FAM13A: variants seen among roughly 807,000 people sequenced by gnomAD.
The protein encoded by FAM13A is family with sequence similarity 13 member A.
In FAM13A, 76 loss-of-function variants were observed where a neutral mutation model predicts 129.6. The observed-to-expected ratio is 0.59, with a 90% CI of 0.49 to 0.71. The LOEUF (loss-of-function observed/expected upper bound fraction) is 0.71, where lower values mean the gene tolerates loss of function less well. Among genes scored for constraint, FAM13A ranks in the 30% least tolerant of loss-of-function variants. FAM13A has a pLI of 0.00. For missense variants in FAM13A, 1,108 were observed against 1,249.3 expected (o/e 0.89, Z 1.70); for synonymous variants, 443 against 449.9 (o/e 0.98, Z 0.20).
At chr4:89,014,158 G>A (rs184390920) in intron 3 of FAM13A, among the ~76,000 whole-genome samples, 24 of 152,280 alleles carry the variant, frequency 1.6e-4, no homozygotes, top group East Asian at 5.8e-4. Context: ...ATAAAAATTC[G>A]TAGACGGTAA....
At chr4:88,903,132 T>G (rs1306009313) in intron 6 of FAM13A, among the ~76,000 whole-genome samples, 2 of 152,204 alleles carry the variant, frequency 1.3e-5, no homozygotes, top group East Asian at 3.8e-4. Flanking sequence ...CAACATTCCA[T>G]GCTCATGGAT....
intron 1 of FAM13A, among the ~76,000 whole-genome samples, chr4:89,054,556 C>A (rs977509024): frequency 1.3e-5 from 2 of 152,160 alleles, no homozygotes; most frequent in Non-Finnish European, 2.9e-5. Context: ...CTCCTGCCCT[C>A]CCTCAGTCTC....
At chr4:88,945,135 C>T (rs575522743) in intron 4 of FAM13A, among the ~76,000 whole-genome samples, 3 of 152,214 alleles carry the variant, frequency 2.0e-5, no homozygotes, top group Non-Finnish European at 4.4e-5. Context: ...TACATTATAC[C>T]TGTAATTAGA....
At chr4:89,009,816 G>A (rs1218540011) in intron 3 of FAM13A, among the ~76,000 whole-genome samples, 1 of 152,202 alleles carries the variant, frequency 6.6e-6, no homozygotes, top group Admixed American at 6.5e-5. Flanking sequence ...GTCCTAGTCT[G>A]GGTTGAGCGG....
In FAM13A at chr4:88,757,024, C is replaced by T. The variant is rs147550464; in HGVS notation, c.1726+1730G>A. ...CCACTTTCCCAAGCCTATTGAAATG[C>T]AACATATTTTTTTCCAATAACTTTT... On this transcript the variant is annotated intron_variant, in intron 14 of 23. Coordinates refer to ENST00000264344, the MANE Select transcript of FAM13A (RefSeq NM_014883.4). 3.8e-3 allele frequency among the ~76,000 whole-genome samples: 585 copies of T among 152,092 alleles called. 9 individuals are homozygous for T. Among genetic ancestry groups the T allele is most frequent in the African/African-American group, 0.013 (559 of 41,486 alleles).
Position 89,003,984 on chromosome 4 carries a change from C to T in FAM13A, c.428-12834G>A, listed in dbSNP as rs59514679. 5.0e-3 allele frequency among the ~76,000 whole-genome samples: 765 copies of T among 152,166 alleles called. 6 individuals carry two copies. The highest frequency in any genetic ancestry group is 0.016 in the African/African-American group (681 of 41,532). On this transcript the variant is annotated intron_variant, in intron 3 of 23. Transcript: ENST00000264344. The stretch of plus-strand genomic sequence containing the variant: ...GCCAAAGGGTATGGTAGGGATCTGC[C>T]GGTTTTCTTTTCTTTTTTTGTAGAG...
chr4:89,043,069 GAC>G (rs1491482609), intron 1 of FAM13A, among the ~76,000 whole-genome samples: 1 of 152,176 alleles, frequency 6.6e-6, no homozygotes, highest in East Asian at 1.9e-4. Flanking sequence ...GCTTACGGCA[GAC>G]ATCATATCAG....
intron 4 of FAM13A, chr4:88,989,586 A>G (rs1762703670): frequency 6.6e-6 from 1 of 152,256 alleles, no homozygotes; most frequent in Non-Finnish European, 1.5e-5. Flanking sequence ...TGGGTAACAA[A>G]GTGAGACTGT....
intron 6 of FAM13A, among the ~76,000 whole-genome samples, chr4:88,903,222 T>C (rs1169442566): frequency 1.3e-5 from 2 of 152,170 alleles, no homozygotes; most frequent in African/African-American, 2.4e-5. Context: ...TAAACTATCA[T>C]TGATGTTCTT....
At chr4:88,803,982 C>T (rs1010972799) in intron 8 of FAM13A, among the ~76,000 whole-genome samples, 6 of 152,150 alleles carry the variant, frequency 3.9e-5, no homozygotes, top group Admixed American at 6.5e-5. Context: ...TCAGGCCAGG[C>T]GTGGTGGCTC....
chr4:88,876,813 G>C (rs1221356269), intron 6 of FAM13A, among the ~76,000 whole-genome samples: 1 of 152,166 alleles, frequency 6.6e-6, no homozygotes, highest in South Asian at 2.1e-4. Context: ...GGATGGTCTC[G>C]ATTTCCTGAC....
intron 6 of FAM13A, among the ~76,000 whole-genome samples, chr4:88,864,791 AAAAC>A (rs748594284): frequency 5.3e-5 from 8 of 152,336 alleles, no homozygotes; most frequent in African/African-American, 7.2e-5. Context: ...GCTTTTCTTA[AAAAC>A]AAACAAACAA....
At chr4:88,794,457 T>G (rs999308826) in intron 8 of FAM13A, among the ~76,000 whole-genome samples, 5 of 151,954 alleles carry the variant, frequency 3.3e-5, no homozygotes, top group Admixed American at 2.6e-4. Context: ...AATTTGCATG[T>G]GATAAGATGC....
Position 88,781,214 on chromosome 4 carries a change from T to C in FAM13A, c.1409A>G (p.Lys470Arg). ...AGERSKPKRQ[K>R]SSTKLSELHD... ...AAGCTCAGAAAGTTTAGTACTGGAT[T>C]TCTGACGTTTAGGCTTGCTCCTTTC... Residue 470 changes from lysine (K) to arginine (R), a missense_variant, in exon 11 of 24, where the codon AAA (lysine) becomes AGA (arginine). By Grantham distance (26) the Lys-to-Arg change is conservative (BLOSUM62 2). Transcript: ENST00000264344. 1 of 1,611,972 alleles carries C rather than the reference T, an allele frequency of 6.2e-7. No homozygotes were observed. Among genetic ancestry groups the C allele is most frequent in the Non-Finnish European group, 8.5e-7 (1 of 1,178,954 alleles).
At position 89,020,452 on chromosome 4, in the gene FAM13A, G is replaced by A. The variant is rs201625431; in HGVS notation, c.427+8C>T. 1.9e-6 allele frequency: 3 copies of A among 1,606,948 alleles called. No individual in the cohort carries two copies. The highest frequency in any genetic ancestry group is 8.5e-7 in the Non-Finnish European group (1 of 1,173,760). ...GTTTTAACTCCTAAAAGGATTTATT[G>A]TACTAACCCTGAAAGAGTTGAATGA... On this transcript the variant is annotated splice_region_variant and intron_variant, in intron 3 of 23. Coordinates refer to ENST00000264344, the MANE Select transcript of FAM13A (RefSeq NM_014883.4).
At chr4:89,033,192 T>G (rs1399466892) in intron 1 of FAM13A, among the ~76,000 whole-genome samples, 2 of 151,986 alleles carry the variant, frequency 1.3e-5, no homozygotes, top group African/African-American at 2.4e-5. Flanking sequence ...AAATTAAAAT[T>G]ATCAGAGAAA....
rs1736571013 is a variant in FAM13A at position 88,726,875 on chromosome 4, C to T, written c.*1658G>A. The T allele has an allele frequency of 6.6e-6, 1 of 152,616 alleles. No individual in the cohort carries two copies. Among genetic ancestry groups the T allele is most frequent in the South Asian group, 2.1e-4 (1 of 4,822 alleles). 9.5% of individuals were successfully genotyped at this position (152,616 alleles called of 1,614,324 possible). A position where few individuals can be genotyped will look rare whatever the true frequency, so the allele number is the denominator to read the frequency against. ...ACCAGGGCACTTCCAACACATAGCT[C>T]AAGCTTCCATACGATTAAGAGCAAA... On this transcript the variant is annotated 3_prime_UTR_variant, in exon 24 of 24. Coordinates refer to ENST00000264344, the MANE Select transcript of FAM13A (RefSeq NM_014883.4).
intron 4 of FAM13A, among the ~76,000 whole-genome samples, chr4:88,965,039 C>A (rs1408735740): frequency 6.6e-6 from 1 of 152,180 alleles, no homozygotes; most frequent in Non-Finnish European, 1.5e-5. Context: ...GGGGGAAAAT[C>A]ACACAGTACA....
At chr4:88,748,576 A>G (rs1741879322) in intron 17 of FAM13A, among the ~76,000 whole-genome samples, 1 of 152,198 alleles carries the variant, frequency 6.6e-6, no homozygotes, top group Non-Finnish European at 1.5e-5. Flanking sequence ...AAAAGATGGG[A>G]ATCTCTTTGA....
Sources: gnomAD v4.1 joint callset for allele counts (sites outside exome capture counted in the v4.1 genomes callset) on GRCh38, gnomAD v4.1.1 for gene constraint, MANE v1.5 for transcripts, NCBI Gene and HGNC (gene_info 2026-07-23, HGNC 2026-07-21) for gene names.